Variants in GSG1L observed in about 807,000 individuals in gnomAD.
GSG1L encodes the protein GSG1 like.
A neutral mutation model predicts 42.1 loss-of-function variants in GSG1L; 24 were observed. That is an observed-to-expected ratio of 0.57 (90% confidence interval 0.41 to 0.80). GSG1L has a LOEUF of 0.80. GSG1L is among the 30% of genes least tolerant of loss of function. GSG1L has a pLI of 0.00. For synonymous variants in GSG1L, 215 were observed against 203.5 expected (o/e 1.06, Z -0.48); for missense variants, 445 against 472.2 (o/e 0.94, Z 0.53).
chr16:27,794,488 G>A (rs773352727), intron 6 of GSG1L, among the ~76,000 whole-genome samples: 14 of 151,898 alleles, frequency 9.2e-5, no homozygotes, highest in Admixed American at 2.0e-4. Flanking sequence ...CTGCTACCAC[G>A]CCCAGCTAAT....
rs1364217885 is a variant in GSG1L at position 27,791,466 on chromosome 16, T to C, written c.900A>G (p.Arg300=). ...AGGAATCCGCCATGTGTGGCTGGTG[T>C]CCTGCCAGGAGACAAGGCGGTCAGT... ...LDCRHERYPA[R]HQPHMADSWP... is the part of the protein sequence containing the mutation. The change falls in exon 7 of 7, where the codon CGA becomes CGG. Residue 300 remains arginine (R), a splice_region_variant and synonymous_variant. Coordinates refer to ENST00000447459, the MANE Select transcript of GSG1L (RefSeq NM_001109763.2). 16 of 1,479,986 alleles carry C rather than the reference T, an allele frequency of 1.1e-5. No individual in the cohort carries two copies. Among genetic ancestry groups the C allele is most frequent in the Non-Finnish European group, 1.4e-5 (15 of 1,109,810 alleles). 91.7% of individuals were successfully genotyped at this position (1,479,986 alleles called of 1,614,324 possible). A position where few individuals can be genotyped will look rare whatever the true frequency, so the allele number is the denominator to read the frequency against.
At chr16:28,031,373 G>C (rs143393415) in intron 1 of GSG1L, among the ~76,000 whole-genome samples, 27 of 147,426 alleles carry the variant, frequency 1.8e-4, no homozygotes, top group Middle Eastern at 3.7e-3. Flanking sequence ...GGTGGGATGA[G>C]ATGGGATGGG....
intron 1 of GSG1L, among the ~76,000 whole-genome samples, chr16:27,990,944 A>C (rs901179534): frequency 1.3e-5 from 2 of 152,186 alleles, no homozygotes; most frequent in African/African-American, 4.8e-5. Flanking sequence ...CTAATTCAAA[A>C]TTCCTTATGT....
intron 1 of GSG1L, among the ~76,000 whole-genome samples, chr16:28,021,442 A>G (rs2085841915): frequency 6.6e-6 from 1 of 152,140 alleles, no homozygotes; most frequent in South Asian, 2.1e-4. Flanking sequence ...TCCAAAAGAC[A>G]TTTGGTTCGT....
chr16:28,033,095 T>C (rs2085986212), intron 1 of GSG1L, among the ~76,000 whole-genome samples: 1 of 152,200 alleles, frequency 6.6e-6, no homozygotes, highest in Non-Finnish European at 1.5e-5. Context: ...CTGACCTCTC[T>C]CCTTCTACAA....
At chr16:27,803,784 T>TAG (rs1471054807) in intron 6 of GSG1L, among the ~76,000 whole-genome samples, 1,766 of 92,080 alleles carry the variant, frequency 0.019, 43 homozygotes, top group African/African-American at 0.065. Flanking sequence ...TATATATATA[T>TAG]ATATATATAT....
intron 2 of GSG1L, among the ~76,000 whole-genome samples, chr16:27,914,435 G>A (rs993365108): frequency 2.6e-5 from 4 of 152,228 alleles, no homozygotes; most frequent in East Asian, 1.9e-4. Context: ...TTCTCTCTCC[G>A]AGCCTCAGTT....
Position 27,874,441 on chromosome 16 carries a change from C to CTTTTTTTTTTTTTT in GSG1L, c.550+10031_550+10044dup, listed in dbSNP as rs71140916. 1.2e-3 allele frequency among the ~76,000 whole-genome samples: 115 copies of CTTTTTTTTTTTTTT among 94,442 alleles called. 17 individuals are homozygous for CTTTTTTTTTTTTTT. Among genetic ancestry groups the CTTTTTTTTTTTTTT allele is most frequent in the African/African-American group, 1.9e-3 (52 of 26,966 alleles). 62.0% of individuals were successfully genotyped at this position (94,442 alleles called of 152,430 possible). A position where few individuals can be genotyped will look rare whatever the true frequency, so the allele number is the denominator to read the frequency against. On this transcript the variant is annotated intron_variant, in intron 3 of 6. Transcript: ENST00000447459. Reference sequence around the variant, plus strand: ...TCTGGACACTGAAGCACAGGAGAGCCTTTTTTTTTTTTTTTTTTTTTTTTT... The same window carrying CTTTTTTTTTTTTTT: ...TCTGGACACTGAAGCACAGGAGAGCCTTTTTTTTTTTTTTTTTTTTTTTTTTTTTTTTTTTTTTT...
intron 2 of GSG1L, among the ~76,000 whole-genome samples, chr16:27,938,208 G>A (rs1057441766): frequency 1.3e-5 from 2 of 151,962 alleles, no homozygotes; most frequent in African/African-American, 4.8e-5. Flanking sequence ...ACTAATATGG[G>A]TGGGGGATGG....
At chr16:27,806,409 G>A (rs60374430) in intron 6 of GSG1L, among the ~76,000 whole-genome samples, 27,255 of 152,148 alleles carry the variant, frequency 0.18, 2,531 homozygotes, top group African/African-American at 0.22. Context: ...TGCCTTCTTA[G>A]TTTGGATTCC....
At chr16:27,847,363 C>T (rs2083455734) in intron 3 of GSG1L, among the ~76,000 whole-genome samples, 1 of 152,194 alleles carries the variant, frequency 6.6e-6, no homozygotes, top group Non-Finnish European at 1.5e-5. Flanking sequence ...GGAGCCAGAG[C>T]TGGGCTGGGT....
intron 5 of GSG1L, among the ~76,000 whole-genome samples, chr16:27,812,259 T>G (rs2083039659): frequency 6.6e-6 from 1 of 152,106 alleles, no homozygotes; most frequent in South Asian, 2.1e-4. Flanking sequence ...AAGGATCTCC[T>G]GTTGGTTTTA....
chr16:28,062,952 C>T, intron 1 of GSG1L, 124 bp downstream of exon 1: 2 of 1,182,726 alleles, frequency 1.7e-6, no homozygotes, highest in South Asian at 3.9e-5. Flanking sequence ...CCTAGCCAGG[C>T]GGAGCGCTGG....
chr16:27,865,558 TATATATATATATATAC>T lies in GSG1L; in HGVS notation c.550+18912_550+18927del, dbSNP rs1208622724. On this transcript the variant is annotated intron_variant, in intron 3 of 6. Coordinates refer to ENST00000447459, the MANE Select transcript of GSG1L (RefSeq NM_001109763.2). ...ATATATATATATATATATATATATATATATATATATATATACACACACACATACATACATACACACA... is the reference window on the plus strand; with the variant it reads ...ATATATATATATATATATATATATATACACACACATACATACATACACACA... Among the ~76,000 whole-genome samples the T allele has an allele frequency of 3.0e-3, 68 of 22,688 alleles. 4 individuals are homozygous for T. Among genetic ancestry groups the T allele is most frequent in the South Asian group, 0.017 (10 of 586 alleles). 14.9% of individuals were successfully genotyped at this position (22,688 alleles called of 152,430 possible).
intron 2 of GSG1L, among the ~76,000 whole-genome samples, chr16:27,905,312 C>T (rs891786630): frequency 2.7e-5 from 4 of 148,644 alleles, no homozygotes; most frequent in African/African-American, 9.8e-5. Context: ...TCCGTTCATG[C>T]CAGAATCTTT....
At chr16:27,850,784 T>A (rs2083503060) in intron 3 of GSG1L, among the ~76,000 whole-genome samples, 1 of 150,206 alleles carries the variant, frequency 6.7e-6, no homozygotes, top group Admixed American at 6.7e-5. Flanking sequence ...AATACATCTA[T>A]CTATCTATCA....
rs190273731 is a variant in GSG1L at position 27,791,170 on chromosome 16, C to T, written c.*200G>A. On this transcript the variant is annotated 3_prime_UTR_variant, in exon 7 of 7. Coordinates refer to ENST00000447459, the MANE Select transcript of GSG1L (RefSeq NM_001109763.2). ...GTCACTCTGTGCAGCCCTGTGCATT[C>T]CCTTGGGCCTGCCCTGGCCCCATTT... 13 of 398,800 alleles carry T rather than the reference C, an allele frequency of 3.3e-5. No individual in the cohort carries two copies. The highest frequency in any genetic ancestry group is 4.9e-5 in the Non-Finnish European group (11 of 225,920). The allele number at this position is 398,800 out of a possible 1,614,324, so 24.7% of individuals were successfully genotyped here.
chr16:27,989,851 T>C (rs1350981088), intron 1 of GSG1L, among the ~76,000 whole-genome samples: 1 of 152,148 alleles, frequency 6.6e-6, no homozygotes, highest in Non-Finnish European at 1.5e-5. Context: ...TGTCCCAAAA[T>C]TGGAGGAAAT....
chr16:28,034,231 T>G (rs28690808), intron 1 of GSG1L, among the ~76,000 whole-genome samples: 1 of 21,560 alleles, frequency 4.6e-5, no homozygotes, highest in Non-Finnish European at 9.6e-5. Flanking sequence ...TCCCATCCCA[T>G]CCCATCCCAT....
Sources: gnomAD v4.1 joint callset for allele counts (sites outside exome capture counted in the v4.1 genomes callset) on GRCh38, gnomAD v4.1.1 for gene constraint, MANE v1.5 for transcripts, NCBI Gene and HGNC (gene_info 2026-07-23, HGNC 2026-07-21) for gene names.